ARMC8: variants seen among roughly 807,000 people sequenced by gnomAD.
ARMC8 encodes the protein armadillo repeat containing 8.
Under a neutral mutation model 99.3 loss-of-function variants are expected in ARMC8, and 20 were observed. The observed-to-expected ratio is 0.20, with a 90% CI of 0.14 to 0.29. The LOEUF is 0.29. Ranked by LOEUF, ARMC8 falls within the 10% of genes least tolerant of loss-of-function variation. The pLI is 1.00. For missense variants in ARMC8, 569 were observed against 809.5 expected, an observed-to-expected ratio of 0.70 and a Z score of 3.60; for synonymous variants, 263 against 278.3, an observed-to-expected ratio of 0.95 and a Z score of 0.55.
intron 14 of ARMC8, among the ~76,000 whole-genome samples, chr3:138,266,952 A>G (rs368869288): frequency 1.3e-5 from 2 of 152,188 alleles, no homozygotes; most frequent in African/African-American, 4.8e-5. Flanking sequence ...TCCAAGCAAG[A>G]CAGATTTGAG....
chr3:138,283,787 C>T (rs897842751), intron 18 of ARMC8, among the ~76,000 whole-genome samples: 5 of 152,226 alleles, frequency 3.3e-5, no homozygotes, highest in Admixed American at 6.5e-5. Flanking sequence ...GTCCTTCCAG[C>T]TGGCACAGGC....
chr3:138,277,101 TAG>T (rs927159004), intron 18 of ARMC8, among the ~76,000 whole-genome samples: 1 of 152,292 alleles, frequency 6.6e-6, no homozygotes, highest in East Asian at 1.9e-4. Context: ...TGGAACAGAC[TAG>T]AGAGTCCAGA....
chr3:138,267,837 A>T (rs113560904), intron 15 of ARMC8, among the ~76,000 whole-genome samples: 1 of 152,222 alleles, frequency 6.6e-6, no homozygotes, highest in Admixed American at 6.5e-5. Context: ...GATCTGCCCA[A>T]TTATGAACTC....
chr3:138,235,318 GT>G (rs2046274487), intron 7 of ARMC8, among the ~76,000 whole-genome samples: 1 of 150,312 alleles, frequency 6.7e-6, no homozygotes, highest in Admixed American at 6.6e-5. Context: ...TTAGGATACA[GT>G]TGTACCATGA....
chr3:138,260,355 C>T (rs768010402), intron 12 of ARMC8, among the ~76,000 whole-genome samples: 5 of 152,140 alleles, frequency 3.3e-5, no homozygotes, highest in South Asian at 2.1e-4. Context: ...ATTACTGTAT[C>T]TCCTCATTTT....
At chr3:138,188,819 A>G (rs907252463) in intron 1 of ARMC8, among the ~76,000 whole-genome samples, 3 of 152,228 alleles carry the variant, frequency 2.0e-5, no homozygotes, top group Non-Finnish European at 4.4e-5. Flanking sequence ...TGTCAATACA[A>G]TAATAATTTT....
At chr3:138,255,708 G>A (rs576892220) in intron 12 of ARMC8, among the ~76,000 whole-genome samples, 2 of 152,276 alleles carry the variant, frequency 1.3e-5, no homozygotes, top group African/African-American at 4.8e-5. Context: ...AGCTGGGAGC[G>A]GTGACTCACA....
At chr3:138,278,962 A>G (rs1291117540) in intron 18 of ARMC8, among the ~76,000 whole-genome samples, 1 of 152,234 alleles carries the variant, frequency 6.6e-6, no homozygotes, top group Non-Finnish European at 1.5e-5. Context: ...TCAACAAATG[A>G]TCACATCTGT....
chr3:138,290,589 A>T lies in ARMC8; in HGVS notation c.1938A>T (p.Val646=). 6.2e-7 allele frequency: 1 copy of T among 1,607,976 alleles called. No individual in the cohort carries two copies. The highest frequency in any genetic ancestry group is 8.5e-7 in the Non-Finnish European group (1 of 1,177,484). The change falls in exon 21 of 22, where the codon GTA becomes GTT. Residue 646 remains valine, a synonymous_variant. Coordinates refer to ENST00000469044, the MANE Select transcript of ARMC8 (RefSeq NM_001363941.2). ...ATAAATTACGAGACATGGGCATCGTAGATATTCTACACAAACTGAGTCAGT... is the reference window on the plus strand; with the variant it reads ...ATAAATTACGAGACATGGGCATCGTTGATATTCTACACAAACTGAGTCAGT... The part of the protein sequence containing the change: ...RQDKLRDMGI[V]DILHKLSQSP...
intron 12 of ARMC8, chr3:138,246,834 T>A: frequency 1.0e-6 from 1 of 960,386 alleles, no homozygotes; most frequent in Non-Finnish European, 1.2e-6. Context: ...GGCTAACTCC[T>A]GATCGTTTCT....
chr3:138,281,219 T>TGG (rs964069486), intron 18 of ARMC8, among the ~76,000 whole-genome samples: 6 of 150,614 alleles, frequency 4.0e-5, no homozygotes, highest in African/African-American at 1.5e-4. Context: ...ATGGTGTGGG[T>TGG]GTGTGTGTGT....
At chr3:138,205,002 C>T (rs1178007449) in intron 1 of ARMC8, among the ~76,000 whole-genome samples, 2 of 151,568 alleles carry the variant, frequency 1.3e-5, no homozygotes, top group East Asian at 1.9e-4. Context: ...CAAATTCAGA[C>T]CTCCTACAGT....
Position 138,245,197 on chromosome 3 carries a change from A to G in ARMC8, c.1134+14A>G, listed in dbSNP as rs745885128. 4.3e-6 allele frequency: 7 copies of G among 1,614,184 alleles called. No individual in the cohort carries two copies. Among genetic ancestry groups the G allele is most frequent in the African/African-American group, 1.3e-5 (1 of 75,052 alleles). On this transcript the variant is annotated intron_variant, in intron 12 of 21. Transcript: ENST00000469044. ...ATCCGGAAGAAGGTGAGTCTGGGAG[A>G]GGGGCGTCCCCCAGTCCTGACAGCC...
intron 9 of ARMC8, chr3:138,238,920 T>C (rs902098317): frequency 1.3e-5 from 2 of 152,222 alleles, no homozygotes. Flanking sequence ...AGCTTATAAT[T>C]GTTTTTCAGT....
At chr3:138,192,845 C>T (rs6789862) in intron 1 of ARMC8, among the ~76,000 whole-genome samples, 9,767 of 151,778 alleles carry the variant, frequency 0.064, 1,028 homozygotes, top group African/African-American at 0.22. Flanking sequence ...TGAAAATCTT[C>T]GCTTATTTGC....
chr3:138,195,869 A>C (rs971900805), intron 1 of ARMC8, among the ~76,000 whole-genome samples: 3 of 152,184 alleles, frequency 2.0e-5, no homozygotes, highest in Non-Finnish European at 2.9e-5. Context: ...AAAAAAAAAA[A>C]AAAAACTGTT....
intron 12 of ARMC8, among the ~76,000 whole-genome samples, chr3:138,252,497 A>G (rs1208984105): frequency 2.2e-5 from 3 of 134,954 alleles, no homozygotes; most frequent in African/African-American, 8.7e-5. Context: ...ACTGTCGCCC[A>G]GGCTGGAGTG....
chr3:138,238,397 T>C (rs1298192611), intron 9 of ARMC8: 1 of 152,220 alleles, frequency 6.6e-6, no homozygotes, highest in Non-Finnish European at 1.5e-5. Flanking sequence ...TTCTGGCTCA[T>C]GTAAGCATTC....
chr3:138,231,317 A>G (rs2046015399), intron 6 of ARMC8, among the ~76,000 whole-genome samples: 3 of 152,296 alleles, frequency 2.0e-5, no homozygotes, highest in South Asian at 4.1e-4. Context: ...AAGATTTATA[A>G]TAGAATTTTA....
Sources: gnomAD v4.1 joint callset for allele counts (sites outside exome capture counted in the v4.1 genomes callset) on GRCh38, gnomAD v4.1.1 for gene constraint, MANE v1.5 for transcripts, NCBI Gene and HGNC (gene_info 2026-07-23, HGNC 2026-07-21) for gene names.